Variants in FGD1 observed in about 807,000 individuals in gnomAD.
FGD1 encodes FYVE, RhoGEF and PH domain containing 1, also known as FYVE, RhoGEF and PH domain-containing protein 1.
A neutral mutation model predicts 65.0 loss-of-function variants in FGD1; 12 were observed. That is an observed-to-expected ratio of 0.18 (90% CI 0.12 to 0.30). FGD1 has a LOEUF of 0.30. Among genes scored for constraint, FGD1 ranks in the 10% least tolerant of loss-of-function variants. The pLI, the probability that FGD1 is intolerant of heterozygous loss-of-function variation, is 1.00. For missense variants in FGD1, 542 were observed against 837.6 expected (o/e 0.65, Z 4.36); for synonymous variants, 333 against 343.9 (o/e 0.97, Z 0.35).
rs950001180 is a variant in FGD1, at chrX:54,455,612, G to C, written c.1935+80C>G. 6 of 1,094,477 alleles carry C rather than the reference G, an allele frequency of 5.5e-6. No individual in the cohort carries two copies. In the African/African-American group the frequency reaches 9.1e-5, roughly 17 times the overall value. The allele number at this position is 1,094,477 out of a possible 1,213,427, so 90.2% of individuals were successfully genotyped here. On this transcript the variant is annotated intron_variant, in intron 11 of 17. Coordinates refer to ENST00000375135, the MANE Select transcript of FGD1 (RefSeq NM_004463.3). ...CTGCACACATACACACACAGACTCG[G>C]GGTCAAAGCCAGCATCTTTGTTCCT... is the stretch of plus-strand genomic sequence containing the variant.
At chrX:54,485,619 C>T in intron 1 of FGD1, among the ~76,000 whole-genome samples, 1 of 110,959 alleles carries the variant, frequency 9.0e-6, no homozygotes, top group Admixed American at 9.6e-5. Context: ...CAGGCATACA[C>T]CACCATGCCC....
chrX:54,493,324 G>A (rs1923456010), intron 1 of FGD1, among the ~76,000 whole-genome samples: 1 of 112,342 alleles, frequency 8.9e-6, no homozygotes, highest in Non-Finnish European at 1.9e-5. Flanking sequence ...GGATACAACA[G>A]TGAGCAAAAG....
intron 16 of FGD1, among the ~76,000 whole-genome samples, chrX:54,448,155 C>G (rs780986076): frequency 1.0e-3 from 114 of 110,993 alleles, no homozygotes; most frequent in Middle Eastern, 8.4e-3. Flanking sequence ...TCTACTTATC[C>G]TACTTTGTAA....
At chrX:54,475,603 G>A (rs1214148758) in intron 1 of FGD1, among the ~76,000 whole-genome samples, 1 of 109,076 alleles carries the variant, frequency 9.2e-6, no homozygotes, top group East Asian at 2.9e-4. Flanking sequence ...CCTCTCCCTT[G>A]TCTCTCTGCC....
At chrX:54,465,383 G>T in intron 8 of FGD1, 68 bp downstream of exon 8, 5 of 1,109,218 alleles carry the variant, frequency 4.5e-6, no homozygotes, top group Non-Finnish European at 6.1e-6. Context: ...TTGGGGTCCT[G>T]CCTCAGAGGT....
At chrX:54,479,781 A>C (rs1410984416) in intron 1 of FGD1, among the ~76,000 whole-genome samples, 5 of 75,599 alleles carry the variant, frequency 6.6e-5, no homozygotes, top group African/African-American at 3.0e-4. Flanking sequence ...TCCGCTTGAC[A>C]AAAAAAAAAA....
chrX:54,495,011 G>A (rs1923495338), intron 1 of FGD1, 115 bp downstream of exon 1: 12 of 803,867 alleles, frequency 1.5e-5, no homozygotes, highest in African/African-American at 2.0e-5. Context: ...AACCCAAAGG[G>A]CCGAGGTAAG....
At chrX:54,495,003 C>A in intron 1 of FGD1, 123 bp downstream of exon 1, 1 of 751,242 alleles carries the variant, frequency 1.3e-6, no homozygotes. Context: ...TTTGAGGGAA[C>A]CCAAAGGGCC....
At chrX:54,472,698 G>A (rs1922923425) in intron 1 of FGD1, among the ~76,000 whole-genome samples, 2 of 111,350 alleles carry the variant, frequency 1.8e-5, no homozygotes, top group South Asian at 7.5e-4. Flanking sequence ...AGAGAAGTCA[G>A]GTGGGGCCAG....
intron 12 of FGD1, among the ~76,000 whole-genome samples, chrX:54,454,177 CAGAG>C (rs1362486538): frequency 9.0e-6 from 1 of 111,511 alleles, no homozygotes; most frequent in Non-Finnish European, 1.9e-5. Context: ...GTGCGACTAT[CAGAG>C]AGCGTACTGA....
chrX:54,493,097 T>G (rs1923451207), intron 1 of FGD1, among the ~76,000 whole-genome samples: 1 of 111,019 alleles, frequency 9.0e-6, no homozygotes, highest in Non-Finnish European at 1.9e-5. Context: ...AATCATCACC[T>G]TGTATTGATT....
chrX:54,468,341 T>C (rs1414481179), intron 5 of FGD1, among the ~76,000 whole-genome samples: 1 of 111,674 alleles, frequency 9.0e-6, no homozygotes, highest in Admixed American at 9.6e-5. Flanking sequence ...ATTAGATCTG[T>C]TCATTTAATG....
chrX:54,446,721 CTTTT>C (rs1226487472), intron 17 of FGD1, among the ~76,000 whole-genome samples: 3 of 87,668 alleles, frequency 3.4e-5, no homozygotes, highest in Middle Eastern at 5.2e-3. Context: ...TATCTGCATA[CTTTT>C]TTTTTTTTTT....
chrX:54,453,593 C>A (rs768961637), intron 12 of FGD1, among the ~76,000 whole-genome samples: 2 of 111,362 alleles, frequency 1.8e-5, no homozygotes, highest in African/African-American at 6.5e-5. Flanking sequence ...TTTTAAGAGG[C>A]GAGGTCTCGT....
chrX:54,450,478 G>A (rs1922351145), intron 12 of FGD1, among the ~76,000 whole-genome samples, 177 bp from the exon 13 acceptor site: 1 of 111,684 alleles, frequency 9.0e-6, no homozygotes, highest in African/African-American at 3.3e-5. Context: ...TTTATTCAAC[G>A]ATTACTAATA....
intron 1 of FGD1, among the ~76,000 whole-genome samples, chrX:54,475,276 G>C (rs941456691): frequency 8.9e-6 from 1 of 112,683 alleles, no homozygotes; most frequent in African/African-American, 3.2e-5. Flanking sequence ...GAGAGAGGCA[G>C]TGACTTGCCC....
At chrX:54,458,236 C>T (rs997474739) in intron 8 of FGD1, among the ~76,000 whole-genome samples, 54 of 111,717 alleles carry the variant, frequency 4.8e-4, no homozygotes, top group Admixed American at 1.9e-4. Context: ...AAGACCTAGC[C>T]CTTTAGCCTG....
intron 4 of FGD1, among the ~76,000 whole-genome samples, chrX:54,469,515 A>G (rs1922834418): frequency 8.9e-6 from 1 of 112,272 alleles, no homozygotes; most frequent in Admixed American, 9.4e-5. Flanking sequence ...AAGTATAAGA[A>G]CGTATAAAAC....
intron 12 of FGD1, among the ~76,000 whole-genome samples, chrX:54,452,443 T>TACAC (rs1320858612): frequency 2.7e-5 from 3 of 110,100 alleles, no homozygotes; most frequent in Non-Finnish European, 5.7e-5. Flanking sequence ...TACACCCTGA[T>TACAC]ACACACATTA....
Sources: allele counts gnomAD v4.1 joint callset (sites outside exome capture counted in the v4.1 genomes callset), GRCh38; gene constraint gnomAD v4.1.1; transcripts MANE v1.5; gene names NCBI Gene and HGNC (gene_info 2026-07-23, HGNC 2026-07-21).